ZFPM1: variants seen among roughly 807,000 people sequenced by gnomAD.
The protein encoded by ZFPM1 is zinc finger protein, FOG family member 1, also known as zinc finger protein ZFPM1.
A neutral mutation model predicts 46.3 loss-of-function variants in ZFPM1; 28 were observed. The ratio of observed to expected loss-of-function variants is 0.60; its 90% CI spans 0.45 to 0.83. The LOEUF is 0.83. Among genes scored for constraint, ZFPM1 ranks in the 40% least tolerant of loss-of-function variants. The probability of loss-of-function intolerance (pLI) is 0.00; values close to 1 mark genes in which losing one functional copy is unlikely to be tolerated. For missense variants in ZFPM1, 1,878 were observed against 1,432.4 expected (o/e 1.31, Z -5.02); for synonymous variants, 957 against 675.9 (o/e 1.42, Z -6.45).
chr16:88,489,224 C>T (rs541536231), intron 3 of ZFPM1, 71 bp downstream of exon 3: 72 of 1,509,990 alleles, frequency 4.8e-5, no homozygotes, highest in African/African-American at 6.9e-5. Flanking sequence ...GGGAGCAGGG[C>T]GACGTGGGTG....
intron 7 of ZFPM1, 99 bp from the exon 8 acceptor site, chr16:88,532,515 C>A: frequency 7.8e-7 from 1 of 1,281,148 alleles, no homozygotes; most frequent in South Asian, 1.4e-5. Context: ...CAGGGTCCCC[C>A]GGCACAGATC....
intron 4 of ZFPM1, among the ~76,000 whole-genome samples, chr16:88,523,222 AT>A (rs1223125291): frequency 1.3e-5 from 2 of 151,392 alleles, no homozygotes; most frequent in Non-Finnish European, 2.9e-5. Context: ...AAAAAAAAAA[AT>A]AGGCCCCCTT....
chr16:88,457,477 G>T (rs116188896), intron 1 of ZFPM1, among the ~76,000 whole-genome samples: 1 of 152,214 alleles, frequency 6.6e-6, no homozygotes, highest in African/African-American at 2.4e-5. Flanking sequence ...GGGGCTGCAG[G>T]TCCTGCTCTC....
chr16:88,454,610 C>G (rs1167397375), intron 1 of ZFPM1, among the ~76,000 whole-genome samples: 2 of 152,390 alleles, frequency 1.3e-5, no homozygotes, highest in East Asian at 3.9e-4. Context: ...CCAGTGCCCC[C>G]GCGATGAGAA....
At chr16:88,457,841 C>T (rs1360859277) in intron 1 of ZFPM1, among the ~76,000 whole-genome samples, 2 of 152,036 alleles carry the variant, frequency 1.3e-5, no homozygotes, top group Non-Finnish European at 2.9e-5. Flanking sequence ...ACTCTCAAGG[C>T]CCCCCACCCC....
intron 9 of ZFPM1, 58 bp downstream of exon 9, chr16:88,532,993 G>T: frequency 6.2e-7 from 1 of 1,601,748 alleles, no homozygotes; most frequent in Non-Finnish European, 8.5e-7. Flanking sequence ...AGTGGGAAGG[G>T]AGTGGGCTTG....
rs1044564427 is a variant in ZFPM1 at position 88,471,509 on chromosome 16, C to T, written c.41-14430C>T. 6.6e-6 allele frequency among the ~76,000 whole-genome samples: 1 copy of T among 152,036 alleles called. No homozygotes were observed. The highest frequency in any genetic ancestry group is 1.5e-5 in the Non-Finnish European group (1 of 67,998). ...CCCGAGACGACCATGCCCACAGTGGCTCCCACGCATAGTGGAGGGGCCAAG... is the reference window on the plus strand; with the variant it reads ...CCCGAGACGACCATGCCCACAGTGGTTCCCACGCATAGTGGAGGGGCCAAG... On this transcript the variant is annotated intron_variant, in intron 1 of 9. Coordinates refer to ENST00000319555, the MANE Select transcript of ZFPM1 (RefSeq NM_153813.3). The surrounding 1 kb of genome is among the most constrained non-coding windows in gnomAD (Gnocchi z 4.1).
At chr16:88,485,628 C>T (rs527256863) in intron 1 of ZFPM1, among the ~76,000 whole-genome samples, 5 of 151,780 alleles carry the variant, frequency 3.3e-5, no homozygotes, top group African/African-American at 1.2e-4. Flanking sequence ...TTTATAGAGA[C>T]AGGGTCTTGC....
chr16:88,472,544 G>T lies in ZFPM1; in HGVS notation c.41-13395G>T, dbSNP rs187906818. Among the ~76,000 whole-genome samples, 532 of 152,114 alleles carry T rather than the reference G, an allele frequency of 3.5e-3. 4 individuals are homozygous for T. The highest frequency in any genetic ancestry group is 1.4e-3 in the Non-Finnish European group (98 of 67,970). On this transcript the variant is annotated intron_variant, in intron 1 of 9. Coordinates refer to ENST00000319555, the MANE Select transcript of ZFPM1 (RefSeq NM_153813.3). ...AATTTTTGTATTTTTAGTAGAGACG[G>T]GGTTTCACCCTGTTGGCCAGGATGG... is the stretch of plus-strand genomic sequence containing the variant.
At chr16:88,460,950 GGGC>G in intron 1 of ZFPM1, among the ~76,000 whole-genome samples, 4 of 49,078 alleles carry the variant, frequency 8.2e-5, no homozygotes, top group East Asian at 1.8e-3. Flanking sequence ...GATGACCGAG[GGGC>G]GGGGCGGGAG....
intron 3 of ZFPM1, among the ~76,000 whole-genome samples, chr16:88,500,245 T>G (rs1376768165): frequency 6.6e-6 from 1 of 151,688 alleles, no homozygotes; most frequent in Non-Finnish European, 1.5e-5. Flanking sequence ...CCCCGGCTAC[T>G]GCCCAGAAGC....
intron 1 of ZFPM1, among the ~76,000 whole-genome samples, chr16:88,456,862 GAAGGGCCCA>G (rs1026130492): frequency 2.6e-5 from 4 of 152,184 alleles, no homozygotes; most frequent in African/African-American, 7.2e-5. Context: ...CTTTGCAGTG[GAAGGGCCCA>G]TGGATCCCAC....
intron 4 of ZFPM1, among the ~76,000 whole-genome samples, chr16:88,522,417 C>G (rs1911967891): frequency 6.6e-6 from 1 of 152,210 alleles, no homozygotes; most frequent in Non-Finnish European, 1.5e-5. Context: ...GCTGCTGGCC[C>G]ACTACCCCGC....
chr16:88,481,955 C>T (rs1908965692), intron 1 of ZFPM1, among the ~76,000 whole-genome samples: 4 of 151,876 alleles, frequency 2.6e-5, no homozygotes, highest in Admixed American at 2.0e-4. Context: ...GCAGGCTGCA[C>T]GTTTCATCTC....
Position 88,525,870 on chromosome 16 carries a change from A to G in ZFPM1, c.403-944A>G, listed in dbSNP as rs567880914. 7.9e-5 allele frequency among the ~76,000 whole-genome samples: 12 copies of G among 152,318 alleles called. No individual in the cohort carries two copies. In the South Asian group the frequency reaches 2.3e-3, roughly 29 times the overall value. On this transcript the variant is annotated intron_variant, in intron 4 of 9. Coordinates refer to ENST00000319555, the MANE Select transcript of ZFPM1 (RefSeq NM_153813.3). ...GGGGCCGGGGTGCAATGGATGCAGG[A>G]AACGAGGCGGCCTCCACGGGCTCGG...
At chr16:88,515,465 G>A (rs1173260488) in intron 4 of ZFPM1, among the ~76,000 whole-genome samples, 3 of 152,256 alleles carry the variant, frequency 2.0e-5, no homozygotes, top group Admixed American at 6.5e-5. Flanking sequence ...ACACAGGGGC[G>A]CCTAAAGCTT....
At chr16:88,511,992 C>T (rs1038103067) in intron 3 of ZFPM1, among the ~76,000 whole-genome samples, 6 of 152,354 alleles carry the variant, frequency 3.9e-5, no homozygotes, top group Non-Finnish European at 8.8e-5. Context: ...AGCCCCCGGC[C>T]ATCCCTGAGT....
intron 3 of ZFPM1, among the ~76,000 whole-genome samples, chr16:88,501,885 C>T (rs996056368): frequency 2.6e-5 from 4 of 152,012 alleles, no homozygotes; most frequent in South Asian, 2.1e-4. Flanking sequence ...CCCCAGCCCG[C>T]GAGGGGGCTC....
intron 1 of ZFPM1, 124 bp downstream of exon 1, chr16:88,453,802 G>GC (rs1907405457): frequency 1.5e-5 from 8 of 520,454 alleles, no homozygotes; most frequent in Non-Finnish European, 2.0e-5. Context: ...CCCGCGCCGC[G>GC]CCCCCCGCGC....
Sources: gnomAD v4.1 joint callset for allele counts (sites outside exome capture counted in the v4.1 genomes callset) on GRCh38, gnomAD v4.1.1 for gene constraint, Gnocchi (gnomAD v3.1) non-coding constraint, MANE v1.5 for transcripts, NCBI Gene and HGNC (gene_info 2026-07-23, HGNC 2026-07-21) for gene names.